The following ROBO2 variants were observed in gnomAD, a reference collection of about 807,000 sequenced individuals.
The protein encoded by ROBO2 is roundabout guidance receptor 2.
A neutral mutation model predicts 160.8 loss-of-function variants in ROBO2; 53 were observed. The observed-to-expected ratio is 0.33, with a 90% CI of 0.26 to 0.41. The LOEUF (loss-of-function observed/expected upper bound fraction) is 0.41, where lower values mean the gene tolerates loss of function less well. Ranked by LOEUF, ROBO2 falls within the 10% of genes least tolerant of loss-of-function variation. The pLI, the probability that ROBO2 is intolerant of heterozygous loss-of-function variation, is 1.00. For synonymous variants in ROBO2, 664 were observed against 611.7 expected, an observed-to-expected ratio of 1.09 and a Z score of -1.26; for missense variants, 1,577 against 1,722.4, an observed-to-expected ratio of 0.92 and a Z score of 1.49.
intron 2 of ROBO2, among the ~76,000 whole-genome samples, chr3:76,603,982 A>C (rs946632914): frequency 1.3e-5 from 2 of 152,222 alleles, no homozygotes; most frequent in African/African-American, 2.4e-5. Flanking sequence ...AGAGAATTTC[A>C]ACTGGCCTTA....
At chr3:75,994,294 C>A (rs893607803) in intron 2 of ROBO2, among the ~76,000 whole-genome samples, 1 of 152,262 alleles carries the variant, frequency 6.6e-6, no homozygotes, top group East Asian at 1.9e-4. Context: ...CATCACCCTG[C>A]AGACTTTTTC....
chr3:75,971,674 T>G (rs562277831), intron 2 of ROBO2, among the ~76,000 whole-genome samples: 27 of 151,596 alleles, frequency 1.8e-4, no homozygotes, highest in African/African-American at 6.5e-4. Context: ...TTCTATAACT[T>G]TGAAAAAATT....
chr3:77,577,141 C>A (rs1294972377), intron 14 of ROBO2, among the ~76,000 whole-genome samples: 2 of 152,048 alleles, frequency 1.3e-5, no homozygotes, highest in Admixed American at 6.6e-5. Context: ...CCTTCTGTTT[C>A]CTCATCTGTA....
At chr3:76,695,652 G>T (rs2092911930) in intron 2 of ROBO2, among the ~76,000 whole-genome samples, 2 of 152,090 alleles carry the variant, frequency 1.3e-5, no homozygotes, top group Admixed American at 1.3e-4. Flanking sequence ...TATTTACTGT[G>T]TACCAAGTCC....
Position 76,101,179 on chromosome 3 carries a change from T to A in ROBO2, c.109+163577T>A, listed in dbSNP as rs536367452. 2.0e-5 allele frequency among the ~76,000 whole-genome samples: 3 copies of A among 152,252 alleles called. No homozygotes were observed. In the East Asian group the frequency reaches 5.8e-4, roughly 29 times the overall value. ...AATTTGGGCTACCGTGGAGGAAAGA[T>A]GTGATGAGATTACTTCTCAAAGGAA... On this transcript the variant is annotated intron_variant, in intron 2 of 26. Transcript: ENST00000487694.
At position 77,588,738 on chromosome 3, in the gene ROBO2, G is replaced by T. The variant is rs758095299; in HGVS notation, c.2501-13G>T. On this transcript the variant is annotated splice_polypyrimidine_tract_variant and intron_variant, in intron 16 of 25. Transcript: ENST00000461745. ...CGTTTTAATATATACTAATACTATGGTTTTTTCCATAGGGAGACGCAATGA... is the reference window on the plus strand; with the variant it reads ...CGTTTTAATATATACTAATACTATGTTTTTTTCCATAGGGAGACGCAATGA... The T allele has an allele frequency of 1.4e-5, 23 of 1,611,886 alleles. 1 individual carries two copies. The East Asian group carries it at 1.8e-4, about 13-fold the overall frequency.
At chr3:76,588,111 C>T (rs2086172110) in intron 2 of ROBO2, among the ~76,000 whole-genome samples, 1 of 152,238 alleles carries the variant, frequency 6.6e-6, no homozygotes, top group East Asian at 1.9e-4. Context: ...AAAGATCACC[C>T]ATCAGGAAGA....
At chr3:76,130,652 G>A (rs2071189648) in intron 2 of ROBO2, among the ~76,000 whole-genome samples, 3 of 151,932 alleles carry the variant, frequency 2.0e-5, no homozygotes, top group Admixed American at 6.6e-5. Flanking sequence ...ACCATAAGCA[G>A]GCCACATAGC....
At chr3:77,434,147 C>A (rs2079060569) in intron 2 of ROBO2, among the ~76,000 whole-genome samples, 1 of 152,076 alleles carries the variant, frequency 6.6e-6, no homozygotes, top group Non-Finnish European at 1.5e-5. Flanking sequence ...CTCTTCACAG[C>A]TCTCTTCTTG....
intron 2 of ROBO2, among the ~76,000 whole-genome samples, chr3:76,512,477 T>A (rs1353635767): frequency 1.3e-5 from 2 of 152,070 alleles, no homozygotes; most frequent in Non-Finnish European, 2.9e-5. Context: ...TCTGAACACA[T>A]AATTTTTTCA....
rs561062569 is a variant in ROBO2 at position 76,033,829 on chromosome 3, A to T, written c.109+96227A>T. On this transcript the variant is annotated intron_variant, in intron 2 of 26. Coordinates refer to the ROBO2 transcript ENST00000487694. ...AACACCATGGGTCTCTTCCATGTAG[A>T]TTGTGTTTCTACCTGCGGCCTGTCA... Among the ~76,000 whole-genome samples the T allele has an allele frequency of 6.4e-4, 97 of 152,130 alleles. 1 individual carries two copies. Among genetic ancestry groups the T allele is most frequent in the African/African-American group, 2.2e-3 (93 of 41,508 alleles).
intron 2 of ROBO2, among the ~76,000 whole-genome samples, chr3:76,059,670 C>A (rs956473871): frequency 1.3e-5 from 2 of 152,124 alleles, no homozygotes; most frequent in Non-Finnish European, 2.9e-5. Context: ...TCCTATCTGT[C>A]AATTTTGGCT....
intron 2 of ROBO2, among the ~76,000 whole-genome samples, chr3:76,648,373 A>G (rs2091086170): frequency 6.6e-6 from 1 of 152,162 alleles, no homozygotes; most frequent in South Asian, 2.1e-4. Context: ...TAAATGACAC[A>G]TAGAAAATTA....
At chr3:76,267,359 T>C (rs1707162197) in intron 2 of ROBO2, among the ~76,000 whole-genome samples, 1 of 152,186 alleles carries the variant, frequency 6.6e-6, no homozygotes, top group South Asian at 2.1e-4. Flanking sequence ...ACTTTTATGA[T>C]AGCCATCACT....
intron 2 of ROBO2, among the ~76,000 whole-genome samples, chr3:76,534,417 T>A (rs2082386106): frequency 6.6e-6 from 1 of 152,170 alleles, no homozygotes; most frequent in African/African-American, 2.4e-5. Flanking sequence ...CCATTTCCCA[T>A]CATATGAATA....
intron 2 of ROBO2, among the ~76,000 whole-genome samples, chr3:77,234,619 T>G (rs536948062): frequency 6.6e-6 from 1 of 152,238 alleles, no homozygotes; most frequent in Admixed American, 6.5e-5. Context: ...TTAAAAGAAA[T>G]AAGGTTTTAT....
At chr3:76,389,443 G>A (rs2077044175) in intron 2 of ROBO2, among the ~76,000 whole-genome samples, 1 of 152,156 alleles carries the variant, frequency 6.6e-6, no homozygotes, top group South Asian at 2.1e-4. Flanking sequence ...GTTTTGAAGG[G>A]AAATAATTTG....
chr3:77,459,613 A>G (rs2082027385), intron 2 of ROBO2, among the ~76,000 whole-genome samples: 1 of 152,194 alleles, frequency 6.6e-6, no homozygotes, highest in African/African-American at 2.4e-5. Flanking sequence ...AAAACAGAGG[A>G]ATATGATATG....
At chr3:76,009,028 G>C (rs773537570) in intron 2 of ROBO2, among the ~76,000 whole-genome samples, 22 of 152,218 alleles carry the variant, frequency 1.4e-4, no homozygotes, top group Non-Finnish European at 2.8e-4. Context: ...CTGCATCCCA[G>C]TGTGACATTC....
Sources: gnomAD v4.1 joint callset for allele counts (sites outside exome capture counted in the v4.1 genomes callset) on GRCh38, gnomAD v4.1.1 for gene constraint, MANE v1.5 for transcripts, NCBI Gene and HGNC (gene_info 2026-07-23, HGNC 2026-07-21) for gene names.